SGMS1: variants seen among roughly 807,000 people sequenced by gnomAD.
The protein encoded by SGMS1 is sphingomyelin synthase 1.
A neutral mutation model predicts 46.2 loss-of-function variants in SGMS1; 13 were observed. That is an observed-to-expected ratio of 0.28 (90% confidence interval 0.18 to 0.45). SGMS1 has a LOEUF of 0.45. Among genes scored for constraint, SGMS1 ranks in the 20% least tolerant of loss-of-function variants. SGMS1 has a pLI of 1.00. For synonymous variants in SGMS1, 203 were observed against 187.8 expected (o/e 1.08, Z -0.66); for missense variants, 324 against 519.9 (o/e 0.62, Z 3.66).
At chr10:50,513,068 T>C (rs1245633657) in intron 3 of SGMS1, among the ~76,000 whole-genome samples, 1 of 152,178 alleles carries the variant, frequency 6.6e-6, no homozygotes, top group Non-Finnish European at 1.5e-5. Context: ...ATGCTACCAT[T>C]ACAATGCTAT....
chr10:50,591,981 G>A (rs1838545940), intron 1 of SGMS1, among the ~76,000 whole-genome samples: 1 of 152,184 alleles, frequency 6.6e-6, no homozygotes, highest in Non-Finnish European at 1.5e-5. Flanking sequence ...CGTGCACCTG[G>A]CTCTCAGGCC....
At chr10:50,310,809 T>A (rs1170817514) in intron 9 of SGMS1, among the ~76,000 whole-genome samples, 2 of 152,228 alleles carry the variant, frequency 1.3e-5, no homozygotes, top group Admixed American at 6.5e-5. Flanking sequence ...CATGGCCTTG[T>A]TGAGGACAGG....
In SGMS1 at chr10:50,307,147, T is replaced by A. The variant is rs768088372; in HGVS notation, c.1237A>T (p.Thr413Ser). 1 of 1,613,894 alleles carries A rather than the reference T, an allele frequency of 6.2e-7. No individual in the cohort carries two copies. Among genetic ancestry groups the A allele is most frequent in the Non-Finnish European group, 8.5e-7 (1 of 1,179,904 alleles). Residue 413 changes from threonine to serine, a missense_variant, in exon 11 of 11, where the codon ACA (threonine) becomes TCA (serine). Physicochemically the swap from Thr to Ser is moderately conservative, Grantham distance 58. Coordinates refer to ENST00000361781, the MANE Select transcript of SGMS1 (RefSeq NM_147156.4). This position sits in a 1 kb window ranked among gnomAD's most constrained non-coding sequence, Gnocchi z 4.2. ...TTCCCCACTTTGTACAGCTGTTATG[T>A]GTCATTCACCAGCCGGCTGTATTTA... ...QVKYSRLVND[T>S]
chr10:50,494,048 T>G (rs750497837), intron 3 of SGMS1, among the ~76,000 whole-genome samples: 8 of 152,216 alleles, frequency 5.3e-5, no homozygotes, highest in African/African-American at 1.2e-4. Context: ...CCACCCGCCT[T>G]GGCCTCCCAA....
At chr10:50,455,965 T>C (rs978854229) in intron 5 of SGMS1, among the ~76,000 whole-genome samples, 3 of 152,164 alleles carry the variant, frequency 2.0e-5, no homozygotes, top group Admixed American at 1.3e-4. Flanking sequence ...GGTGCCTCTA[T>C]GGAAACCACT....
chr10:50,609,257 C>T (rs1190588803), intron 1 of SGMS1, among the ~76,000 whole-genome samples: 1 of 152,194 alleles, frequency 6.6e-6, no homozygotes, highest in Admixed American at 6.5e-5. Flanking sequence ...AGACATGAGC[C>T]ACCATGCCTG....
intron 1 of SGMS1, among the ~76,000 whole-genome samples, chr10:50,622,642 G>A (rs186161439): frequency 6.6e-6 from 1 of 152,200 alleles, no homozygotes; most frequent in Non-Finnish European, 1.5e-5. Context: ...TTTCGTAAGC[G>A]TGTACCGCTG....
At chr10:50,586,027 C>T (rs1397256982) in intron 2 of SGMS1, among the ~76,000 whole-genome samples, 1 of 152,194 alleles carries the variant, frequency 6.6e-6, no homozygotes, top group Admixed American at 6.5e-5. Context: ...GTCACTGTTG[C>T]AACTACTCAA....
At chr10:50,543,186 GA>G (rs770893341) in intron 2 of SGMS1, among the ~76,000 whole-genome samples, 52 of 151,132 alleles carry the variant, frequency 3.4e-4, no homozygotes, top group African/African-American at 1.2e-3. Flanking sequence ...TGCTCAGCTG[GA>G]AAAAAAAATG....
At chr10:50,484,941 A>G (rs1303571849) in intron 3 of SGMS1, among the ~76,000 whole-genome samples, 1 of 152,228 alleles carries the variant, frequency 6.6e-6, no homozygotes, top group Non-Finnish European at 1.5e-5. Context: ...CCAACATTAT[A>G]CTGAATGGGC....
intron 6 of SGMS1, among the ~76,000 whole-genome samples, chr10:50,396,541 A>G (rs1848850157): frequency 6.6e-6 from 1 of 152,336 alleles, no homozygotes; most frequent in East Asian, 1.9e-4. Flanking sequence ...AGTTACAAAT[A>G]GAAAGAATTA....
intron 6 of SGMS1, among the ~76,000 whole-genome samples, chr10:50,410,710 A>G (rs1849083680): frequency 6.6e-6 from 1 of 152,208 alleles, no homozygotes; most frequent in Non-Finnish European, 1.5e-5. Context: ...TTTGGAACTT[A>G]GGCAGATTTC....
intron 5 of SGMS1, among the ~76,000 whole-genome samples, chr10:50,445,685 C>A (rs1376808873): frequency 6.6e-6 from 1 of 152,042 alleles, no homozygotes; most frequent in East Asian, 1.9e-4. Flanking sequence ...CACCTCAGGA[C>A]CCTGTGATGA....
chr10:50,452,636 A>G (rs1290413968), intron 5 of SGMS1, among the ~76,000 whole-genome samples: 1 of 152,192 alleles, frequency 6.6e-6, no homozygotes, highest in African/African-American at 2.4e-5. Context: ...CCACAACCCT[A>G]GTAATACTGA....
intron 3 of SGMS1, among the ~76,000 whole-genome samples, chr10:50,480,926 C>A (rs1042866095): frequency 6.6e-6 from 1 of 151,814 alleles, no homozygotes; most frequent in Admixed American, 6.6e-5. Context: ...TTAGGTGAGA[C>A]CCAGATCCAT....
At chr10:50,495,136 G>A (rs1290391956) in intron 3 of SGMS1, among the ~76,000 whole-genome samples, 1 of 150,096 alleles carries the variant, frequency 6.7e-6, no homozygotes, top group Admixed American at 6.6e-5. Context: ...TACTTGGGAG[G>A]CTGAGGCAGG....
chr10:50,433,620 CTAGT>C (rs1849433885), intron 5 of SGMS1, 64 bp from the exon 6 acceptor site: 1 of 152,346 alleles, frequency 6.6e-6, no homozygotes, highest in Admixed American at 6.5e-5. Context: ...TTGATTTCCA[CTAGT>C]TAGTCTCTTC....
chr10:50,623,851 C>T lies in SGMS1; in HGVS notation c.-828G>A. 1.0e-6 allele frequency: 1 copy of T among 985,828 alleles called. No individual in the cohort carries two copies. The highest frequency in any genetic ancestry group is 1.2e-6 in the Non-Finnish European group (1 of 830,316). The allele number at this position is 985,828 out of a possible 1,614,324, so 61.1% of individuals were successfully genotyped here. On this transcript the variant is annotated 5_prime_UTR_variant, in exon 1 of 11. Coordinates refer to ENST00000361781, the MANE Select transcript of SGMS1 (RefSeq NM_147156.4). ...CTAGGCGCGAGGGGAGAGCAGTCAG[C>T]CCAGGCCGGTCCTTCTCACTCCCGA...
intron 2 of SGMS1, among the ~76,000 whole-genome samples, chr10:50,586,214 G>A (rs2983364): frequency 0.34 from 52,313 of 152,134 alleles, 9,406 homozygotes; most frequent in Non-Finnish European, 0.4. Flanking sequence ...TCTAAAGTTT[G>A]GAAAATGGTG....
Sources: gnomAD v4.1 joint callset for allele counts (sites outside exome capture counted in the v4.1 genomes callset) on GRCh38, gnomAD v4.1.1 for gene constraint, Gnocchi (gnomAD v3.1) non-coding constraint, MANE v1.5 for transcripts, NCBI Gene and HGNC (gene_info 2026-07-23, HGNC 2026-07-21) for gene names.